The following PFKFB3 variants were observed in gnomAD, a reference collection of about 807,000 sequenced individuals.
PFKFB3 encodes the protein 6-phosphofructo-2-kinase/fructose-2,6-biphosphatase 3.
PFKFB3 carries 33 observed loss-of-function variants against 68.0 expected under a neutral mutation model. The observed-to-expected ratio is 0.49, with a 90% CI of 0.37 to 0.65. The LOEUF is 0.65. Among genes scored for constraint, PFKFB3 ranks in the 30% least tolerant of loss-of-function variants. The pLI is 0.00. For missense variants in PFKFB3, 586 were observed against 712.2 expected (o/e 0.82, Z 2.02); for synonymous variants, 315 against 288.2 (o/e 1.09, Z -0.94).
At chr10:6,238,287 C>G (rs1846065444), downstream of PFKFB3, among the ~76,000 whole-genome samples, 1 of 152,012 alleles carries the variant, frequency 6.6e-6, no homozygotes, top group South Asian at 2.1e-4. Flanking sequence ...GCCTCAGCCT[C>G]CTGAGTAGCT....
At chr10:6,318,012 T>C in the PFKFB3 span, among the ~76,000 whole-genome samples, 2 of 152,340 alleles carry the variant, frequency 1.3e-5, no homozygotes, top group Non-Finnish European at 2.9e-5. Context: ...GTGGTTGTGA[T>C]ACCAGTTCAG....
intron 1 of PFKFB3, among the ~76,000 whole-genome samples, chr10:6,147,347 G>A (rs1841426214): frequency 6.6e-6 from 1 of 152,230 alleles, no homozygotes; most frequent in Non-Finnish European, 1.5e-5. Context: ...ACCAAGAGAA[G>A]CCATCCGGAG....
At chr10:6,265,888 ATT>A in the PFKFB3 span, among the ~76,000 whole-genome samples, 8 of 145,054 alleles carry the variant, frequency 5.5e-5, no homozygotes, top group South Asian at 1.5e-3. Context: ...CTTGTCCTTC[ATT>A]TTTTTTTTTG....
chr10:6,206,336 C>T (rs1487670047), intron 1 of PFKFB3, among the ~76,000 whole-genome samples: 2 of 139,672 alleles, frequency 1.4e-5, no homozygotes, highest in Non-Finnish European at 3.1e-5. Context: ...AATGAAAAGT[C>T]TCCCATGTCT....
At chr10:6,259,874 G>C in the PFKFB3 span, among the ~76,000 whole-genome samples, 3 of 152,150 alleles carry the variant, frequency 2.0e-5, no homozygotes, top group African/African-American at 4.8e-5. Context: ...TTCAGTAGTG[G>C]AACATCAGAT....
chr10:6,248,968 A>G (rs2132080030), intron 14 of PFKFB3, among the ~76,000 whole-genome samples: 1 of 152,146 alleles, frequency 6.6e-6, no homozygotes, highest in East Asian at 1.9e-4. Flanking sequence ...GAGGTCGGGA[A>G]TTCGAGACCA....
At chr10:6,264,402 C>T in the PFKFB3 span, among the ~76,000 whole-genome samples, 3 of 152,238 alleles carry the variant, frequency 2.0e-5, no homozygotes, top group Admixed American at 6.5e-5. Flanking sequence ...TAATTTAAAT[C>T]ACATAAACTC....
At chr10:6,241,567 C>T (rs1375913889) in intron 14 of PFKFB3, among the ~76,000 whole-genome samples, 2 of 152,178 alleles carry the variant, frequency 1.3e-5, no homozygotes, top group African/African-American at 2.4e-5. Flanking sequence ...TCGCATGGCT[C>T]ATGCCTGTAA....
At chr10:6,183,085 G>A (rs1010569183) in intron 1 of PFKFB3, among the ~76,000 whole-genome samples, 8 of 152,148 alleles carry the variant, frequency 5.3e-5, no homozygotes, top group Non-Finnish European at 1.2e-4. Flanking sequence ...TCACACCTCT[G>A]TTCTCCCTGG....
the PFKFB3 span, among the ~76,000 whole-genome samples, chr10:6,324,629 C>T: frequency 1.3e-5 from 2 of 152,054 alleles, no homozygotes; most frequent in Non-Finnish European, 2.9e-5. Flanking sequence ...GGGGTTTTGC[C>T]ATGTTGGCCA....
intron 13 of PFKFB3, chr10:6,224,698 G>T: frequency 3.1e-6 from 1 of 321,312 alleles, no homozygotes; most frequent in Non-Finnish European, 6.1e-6. Flanking sequence ...TGTTGCCCAG[G>T]CTGGTCTTGA....
At chr10:6,307,982 C>A in the PFKFB3 span, among the ~76,000 whole-genome samples, 1 of 152,272 alleles carries the variant, frequency 6.6e-6, no homozygotes, top group African/African-American at 2.4e-5. Context: ...TTCTCTCACG[C>A]TCTTGCTTTC....
intron 1 of PFKFB3, among the ~76,000 whole-genome samples, chr10:6,195,501 C>T (rs1843153303): frequency 6.6e-6 from 1 of 152,330 alleles, no homozygotes; most frequent in East Asian, 1.9e-4. Flanking sequence ...GCAACCCTGA[C>T]ATGCCTCCTA....
chr10:6,229,132 A>G lies in PFKFB3; in HGVS notation c.1515+2767A>G, dbSNP rs1450793031. 1.9e-6 allele frequency: 1 copy of G among 520,646 alleles called. No homozygotes were observed. The highest frequency in any genetic ancestry group is 3.9e-6 in the Non-Finnish European group (1 of 254,194). The allele number at this position is 520,646 out of a possible 1,614,324, so 32.3% of individuals were successfully genotyped here. On this transcript the variant is annotated intron_variant, in intron 14 of 14. Coordinates refer to ENST00000379775, the MANE Select transcript of PFKFB3 (RefSeq NM_004566.4). The surrounding 1 kb of genome is among the most constrained non-coding windows in gnomAD (Gnocchi z 4.3). ...AGAAACTGGAAAGGTGTGATGAGGAATGCAGCCTGAGATGCTGAAAAGAAT... is the reference window on the plus strand; with the variant it reads ...AGAAACTGGAAAGGTGTGATGAGGAGTGCAGCCTGAGATGCTGAAAAGAAT...
At chr10:6,149,735 G>T in intron 1 of PFKFB3, 1 of 159,294 alleles carries the variant, frequency 6.3e-6, no homozygotes. Context: ...CACTCCATGT[G>T]CGTCCCTCCC....
chr10:6,249,529 C>T (rs565594657), intron 14 of PFKFB3, among the ~76,000 whole-genome samples: 1 of 152,172 alleles, frequency 6.6e-6, no homozygotes, highest in Non-Finnish European at 1.5e-5. Context: ...TAAACTTTGT[C>T]ATTTGCAACA....
intron 1 of PFKFB3, among the ~76,000 whole-genome samples, chr10:6,158,676 G>A (rs1841879280): frequency 6.6e-6 from 1 of 152,006 alleles, no homozygotes; most frequent in African/African-American, 2.4e-5. Flanking sequence ...GACCAGCCTG[G>A]TCGACATGGT....
At chr10:6,197,690 A>C (rs1292604193) in intron 1 of PFKFB3, 1 of 152,056 alleles carries the variant, frequency 6.6e-6, no homozygotes, top group Non-Finnish European at 1.5e-5. Context: ...AATCCTCATA[A>C]AGGTCTTCCT....
chr10:6,259,921 G>A, the PFKFB3 span, among the ~76,000 whole-genome samples: 1 of 152,144 alleles, frequency 6.6e-6, no homozygotes, highest in African/African-American at 2.4e-5. Context: ...TGGCTGAATG[G>A]CAGGCACTTA....
Sources: allele counts gnomAD v4.1 joint callset (sites outside exome capture counted in the v4.1 genomes callset), GRCh38; gene constraint gnomAD v4.1.1; non-coding constraint Gnocchi (gnomAD v3.1); transcripts MANE v1.5; gene names NCBI Gene and HGNC (gene_info 2026-07-23, HGNC 2026-07-21).